Variants in ADGRL3 observed in about 807,000 individuals in gnomAD.
ADGRL3 encodes calcium-independent alpha-latrotoxin receptor 3.
Under a neutral mutation model 153.5 loss-of-function variants are expected in ADGRL3, and 62 were observed. The observed-to-expected ratio is 0.40, with a 90% CI of 0.33 to 0.50. ADGRL3 has a LOEUF of 0.50. ADGRL3 is among the 20% of genes least tolerant of loss of function. ADGRL3 has a pLI of 0.47. For synonymous variants in ADGRL3, 710 were observed against 672.5 expected, an observed-to-expected ratio of 1.06 and a Z score of -0.86; for missense variants, 1,641 against 1,859.4, an observed-to-expected ratio of 0.88 and a Z score of 2.16.
At chr4:61,499,367 A>C (rs917235953) in intron 3 of ADGRL3, among the ~76,000 whole-genome samples, 1 of 152,148 alleles carries the variant, frequency 6.6e-6, no homozygotes, top group Non-Finnish European at 1.5e-5. Flanking sequence ...TAATTCATAT[A>C]CTTATACATT....
intron 13 of ADGRL3, among the ~76,000 whole-genome samples, chr4:61,924,223 C>T (rs560222598): frequency 2.0e-5 from 3 of 152,246 alleles, no homozygotes; most frequent in South Asian, 4.1e-4. Context: ...ATATTCTCTT[C>T]AGGACAACTC....
At chr4:61,299,158 C>A (rs999193248) in intron 1 of ADGRL3, among the ~76,000 whole-genome samples, 9 of 151,918 alleles carry the variant, frequency 5.9e-5, no homozygotes, top group Non-Finnish European at 1.5e-5. Flanking sequence ...TCCCCATCTT[C>A]CCCCCCTTTT....
chr4:62,035,200 C>T (rs1157228033), intron 23 of ADGRL3, among the ~76,000 whole-genome samples: 1 of 151,878 alleles, frequency 6.6e-6, no homozygotes, highest in African/African-American at 2.4e-5. Context: ...AGTAATGTAG[C>T]TAATGCGAGA....
chr4:61,532,538 G>A (rs539010647), intron 4 of ADGRL3, among the ~76,000 whole-genome samples: 1 of 43,032 alleles, frequency 2.3e-5, no homozygotes, highest in Non-Finnish European at 5.5e-5. Flanking sequence ...GCATGCGCGC[G>A]CGCGCGCGCG....
intron 3 of ADGRL3, among the ~76,000 whole-genome samples, chr4:61,509,421 C>A (rs578000816): frequency 2.0e-5 from 3 of 152,250 alleles, no homozygotes; most frequent in Non-Finnish European, 4.4e-5. Context: ...AACCACTGCG[C>A]CTGGCACATA....
chr4:61,998,214 T>C lies in ADGRL3; in HGVS notation c.3344T>C (p.Phe1115Ser). ...IFLGIALYKM[F>S]HHTAILKPES... ...CTTGGGATTGCTTTATATAAAATGT[T>C]TCATCATACTGCTATACTGAAACCT... The change falls in exon 21 of 27, where the codon TTT (phenylalanine) becomes TCT (serine). Residue 1115 changes from phenylalanine to serine, a missense_variant. Around this residue, in one of 5 missense-constraint regions of ADGRL3, gnomAD observed 517 missense variants for 555.0 expected, o/e 0.93. Coordinates refer to ENST00000683033, the MANE Select transcript of ADGRL3 (RefSeq NM_001387552.1). 2.5e-6 allele frequency: 4 copies of C among 1,587,238 alleles called. No individual in the cohort carries two copies. The highest frequency in any genetic ancestry group is 2.6e-6 in the Non-Finnish European group (3 of 1,167,630).
intron 3 of ADGRL3, among the ~76,000 whole-genome samples, chr4:61,515,900 T>A (rs1297481051): frequency 1.3e-5 from 2 of 152,164 alleles, no homozygotes; most frequent in East Asian, 3.8e-4. Context: ...AGGCAATTAC[T>A]TAGAGATGTT....
At chr4:61,437,922 A>T (rs577558165) in intron 2 of ADGRL3, among the ~76,000 whole-genome samples, 1 of 152,256 alleles carries the variant, frequency 6.6e-6, no homozygotes, top group East Asian at 1.9e-4. Context: ...GACATTAATG[A>T]CACTTTTCTC....
chr4:62,051,450 G>T (rs1289107240), intron 25 of ADGRL3, among the ~76,000 whole-genome samples: 1 of 151,136 alleles, frequency 6.6e-6, no homozygotes, highest in Non-Finnish European at 1.5e-5. Flanking sequence ...AAATATTGAT[G>T]TCCATCAATC....
chr4:62,040,015 A>C (rs1219288778), intron 24 of ADGRL3, among the ~76,000 whole-genome samples: 1 of 152,156 alleles, frequency 6.6e-6, no homozygotes, highest in Non-Finnish European at 1.5e-5. Context: ...TCAATGGAAT[A>C]ATAATAAACT....
intron 5 of ADGRL3, among the ~76,000 whole-genome samples, chr4:61,643,608 T>C (rs1238638302): frequency 6.7e-6 from 1 of 148,594 alleles, no homozygotes; most frequent in Non-Finnish European, 1.5e-5. Context: ...TTTGCGTATA[T>C]TGAACCAGCC....
intron 9 of ADGRL3, among the ~76,000 whole-genome samples, chr4:61,883,933 C>A (rs990576809): frequency 1.3e-5 from 2 of 152,104 alleles, no homozygotes; most frequent in Admixed American, 1.3e-4. Context: ...GCAAGACAAT[C>A]AATAAATATA....
At chr4:61,711,163 C>T (rs1259526628) in intron 6 of ADGRL3, among the ~76,000 whole-genome samples, 1 of 152,014 alleles carries the variant, frequency 6.6e-6, no homozygotes, top group Non-Finnish European at 1.5e-5. Flanking sequence ...TGGAGCACAA[C>T]TTCTTCTTAT....
intron 4 of ADGRL3, among the ~76,000 whole-genome samples, chr4:61,522,096 T>TC (rs1353418590): frequency 6.6e-6 from 1 of 152,134 alleles, no homozygotes; most frequent in Non-Finnish European, 1.5e-5. Flanking sequence ...AGCAGGGATA[T>TC]AGTGGAGCCA....
At chr4:61,487,808 A>G (rs1490079046) in intron 2 of ADGRL3, among the ~76,000 whole-genome samples, 3 of 152,066 alleles carry the variant, frequency 2.0e-5, no homozygotes, top group African/African-American at 7.2e-5. Context: ...TATCTTACCA[A>G]TTGTATATAT....
At chr4:62,051,279 A>T (rs980330879) in intron 25 of ADGRL3, among the ~76,000 whole-genome samples, 1 of 151,210 alleles carries the variant, frequency 6.6e-6, no homozygotes, top group African/African-American at 2.4e-5. Flanking sequence ...GTGTTAGGAA[A>T]ATCAGTTTAA....
chr4:61,441,130 G>A lies in ADGRL3; in HGVS notation c.-173-55991G>A, dbSNP rs575561216. 4.1e-4 allele frequency among the ~76,000 whole-genome samples: 62 copies of A among 152,048 alleles called. 1 individual carries two copies. In the South Asian group the frequency reaches 0.013, roughly 32 times the overall value. On this transcript the variant is annotated intron_variant, in intron 2 of 26. Transcript: ENST00000683033. ...CTCTTAGATAATTCCTAAATTATTG[G>A]TATTTATTATCTTTTTCTTTCTTCT...
chr4:61,325,523 A>G (rs1410362527), intron 1 of ADGRL3, among the ~76,000 whole-genome samples: 3 of 152,180 alleles, frequency 2.0e-5, no homozygotes, highest in Non-Finnish European at 4.4e-5. Context: ...GTGAATTCTC[A>G]TTTGTTTAAC....
intron 1 of ADGRL3, among the ~76,000 whole-genome samples, chr4:61,312,603 C>G (rs969058117): frequency 5.9e-5 from 9 of 151,946 alleles, no homozygotes. Flanking sequence ...TACAACTCAC[C>G]ACAGAAGATA....
Sources: gnomAD v4.1 joint callset for allele counts (sites outside exome capture counted in the v4.1 genomes callset) on GRCh38, gnomAD v4.1.1 for gene constraint, gnomAD v4.1.1 regional missense constraint, MANE v1.5 for transcripts, NCBI Gene and HGNC (gene_info 2026-07-23, HGNC 2026-07-21) for gene names.